Variants in VIPR1 observed in about 807,000 individuals in gnomAD.
The protein encoded by VIPR1 is vasoactive intestinal peptide receptor 1.
VIPR1 carries 59 observed loss-of-function variants against 58.8 expected under a neutral mutation model. That is an observed-to-expected ratio of 1.00 (90% CI 0.81 to 1.25). The LOEUF (loss-of-function observed/expected upper bound fraction) is 1.25. VIPR1 is among the 50% of genes most tolerant of loss of function. The pLI, the probability that VIPR1 is intolerant of heterozygous loss-of-function variation, is 0.00. For synonymous variants in VIPR1, 251 were observed against 242.1 expected, an observed-to-expected ratio of 1.04 and a Z score of -0.34; for missense variants, 626 against 602.7, an observed-to-expected ratio of 1.04 and a Z score of -0.40.
At chr3:42,511,852 T>C (rs1316232621) in intron 1 of VIPR1, 1 of 152,162 alleles carries the variant, frequency 6.6e-6, no homozygotes, top group Non-Finnish European at 1.5e-5. Flanking sequence ...TACTTGAGGA[T>C]GAAACAGCCA....
rs1161679719 is a variant in VIPR1, at chr3:42,530,860, C to T, written c.718C>T (p.Leu240=). The part of the protein sequence containing the change: ...FFWLLVEGLY[L]YTLLAVSFFS... ...CTGGCTGCTGGTGGAGGGCCTCTACCTGTACACCCTGCTTGCCGTCTCCTT... is the reference window on the plus strand; with the variant it reads ...CTGGCTGCTGGTGGAGGGCCTCTACTTGTACACCCTGCTTGCCGTCTCCTT... Residue 240 remains leucine, a synonymous_variant, in exon 7 of 13, where the codon CTG becomes TTG. Transcript: ENST00000325123. The T allele has an allele frequency of 1.2e-6, 2 of 1,613,988 alleles. No homozygotes were observed. The highest frequency in any genetic ancestry group is 2.7e-5 in the African/African-American group (2 of 74,890).
intron 1 of VIPR1, among the ~76,000 whole-genome samples, chr3:42,504,382 C>G (rs1700012307): frequency 6.6e-6 from 1 of 152,138 alleles, no homozygotes; most frequent in African/African-American, 2.4e-5. Flanking sequence ...CTACCCTCCC[C>G]CTGTCTTTCC....
At chr3:42,522,138 G>A (rs1002865336) in intron 3 of VIPR1, among the ~76,000 whole-genome samples, 11 of 99,802 alleles carry the variant, frequency 1.1e-4, no homozygotes, top group Admixed American at 7.4e-4. Context: ...TTTAGACAGC[G>A]TCTCGCTCTG....
In VIPR1 at chr3:42,530,818, G is replaced by C. The variant is rs1701500269; in HGVS notation, c.676G>C (p.Val226Leu). ...AGCCATGGTCTTTTTCCAATATTGT[G>C]TCATGGCTAACTTCTTCTGGCTGCT... ...KAAMVFFQYC[V>L]MANFFWLLVE... Residue 226 changes from valine to leucine, a missense_variant, in exon 7 of 13, where the codon GTC (valine) becomes CTC (leucine). Transcript: ENST00000325123. 6.2e-7 allele frequency: 1 copy of C among 1,613,968 alleles called. No homozygotes were observed. The highest frequency in any genetic ancestry group is 8.5e-7 in the Non-Finnish European group (1 of 1,179,978).
chr3:42,497,450 G>GCA (rs370377069), intron 1 of VIPR1, among the ~76,000 whole-genome samples: 11 of 151,624 alleles, frequency 7.3e-5, no homozygotes, highest in African/African-American at 1.9e-4. Context: ...GGACATACAT[G>GCA]CACACACACA....
In VIPR1 at chr3:42,519,327, C is replaced by G; in HGVS notation, c.289C>G (p.Gln97Glu). 1 of 1,604,024 alleles carries G rather than the reference C, an allele frequency of 6.2e-7. No homozygotes were observed. Among genetic ancestry groups the G allele is most frequent in the African/African-American group, 1.3e-5 (1 of 74,582 alleles). Residue 97 changes from glutamine (Q) to glutamate (E), a missense_variant, in exon 3 of 13, where the codon CAA (glutamine) becomes GAA (glutamate). Gln to Glu is a conservative substitution (Grantham distance 29). Coordinates refer to ENST00000325123, the MANE Select transcript of VIPR1 (RefSeq NM_004624.4). ...PLIFKLFSSI[Q>E]GRNVSRSCTD... is the part of the protein sequence containing the mutation. ...CATCTTCAAGCTCTTCTCCTCCATT[C>G]AAGGTAAGACCCCTGGGTTGAAGAG...
intron 1 of VIPR1, among the ~76,000 whole-genome samples, chr3:42,510,754 C>T (rs1479194307): frequency 6.6e-6 from 1 of 152,122 alleles, no homozygotes; most frequent in Non-Finnish European, 1.5e-5. Context: ...CAGACCACAC[C>T]CACTGTTTCA....
intron 1 of VIPR1, chr3:42,513,499 CAGTT>C: frequency 2.2e-6 from 1 of 452,798 alleles, no homozygotes; most frequent in Non-Finnish European, 4.0e-6. Flanking sequence ...AGAGACAAAG[CAGTT>C]ACAGCTGCAG....
rs1365826781 is a variant in VIPR1 at position 42,536,333 on chromosome 3, C to T, written c.*52C>T. ...GGCCCCTCCCGCCCCTTCCCACTCA[C>T]CCCGGCAGACGCCGGGGACAGAGGC... On this transcript the variant is annotated 3_prime_UTR_variant, in exon 13 of 13. Coordinates refer to ENST00000325123, the MANE Select transcript of VIPR1 (RefSeq NM_004624.4). The T allele has an allele frequency of 1.4e-6, 2 of 1,464,848 alleles. No homozygotes were observed. The highest frequency in any genetic ancestry group is 1.8e-6 in the Non-Finnish European group (2 of 1,114,444). 90.7% of individuals were successfully genotyped at this position (1,464,848 alleles called of 1,614,324 possible).
At chr3:42,532,930 C>G (rs1701646955) in intron 10 of VIPR1, 1 of 156,644 alleles carries the variant, frequency 6.4e-6, no homozygotes, top group South Asian at 1.9e-4. Context: ...TGGAGCAGGT[C>G]ACCATGGGCA....
Position 42,531,834 on chromosome 3 carries a change from T to C in VIPR1, c.883T>C (p.Trp295Arg). 1 of 1,614,074 alleles carries C rather than the reference T, an allele frequency of 6.2e-7. No homozygotes were observed. The highest frequency in any genetic ancestry group is 8.5e-7 in the Non-Finnish European group (1 of 1,180,008). Residue 295 changes from tryptophan (W) to arginine (R), a missense_variant, in exon 9 of 13, where the codon TGG becomes CGG. Trp to Arg is a moderately radical substitution (Grantham distance 101). Coordinates refer to ENST00000325123, the MANE Select transcript of VIPR1 (RefSeq NM_004624.4). ...CWDTINSSLW[W>R]IIKGPILTSI... is the part of the protein sequence containing the mutation. The stretch of plus-strand genomic sequence containing the variant: ...GGACACCATCAACTCCTCACTGTGG[T>C]GGATCATAAAGGGCCCCATCCTCAC...
upstream of VIPR1, among the ~76,000 whole-genome samples, chr3:42,497,963 C>T (rs1168217202): frequency 6.6e-6 from 1 of 152,182 alleles, no homozygotes; most frequent in African/African-American, 2.4e-5. Context: ...ACTGCTGACC[C>T]CCTGGACAAA....
chr3:42,505,006 C>T (rs149844712), intron 1 of VIPR1, among the ~76,000 whole-genome samples: 1,906 of 151,908 alleles, frequency 0.013, 31 homozygotes, highest in East Asian at 0.057. Flanking sequence ...CCCTGCCCCC[C>T]GGACAGCAGG....
chr3:42,535,975 T>A, intron 12 of VIPR1, 115 bp from the exon 13 acceptor site: 1 of 1,303,834 alleles, frequency 7.7e-7, no homozygotes. Context: ...TCCCTCCATT[T>A]TGATTTCCTA....
chr3:42,504,238 T>A (rs74853711), intron 1 of VIPR1, among the ~76,000 whole-genome samples: 13,871 of 152,102 alleles, frequency 0.091, 1,688 homozygotes, highest in African/African-American at 0.28. Context: ...ACCACTGTTG[T>A]CACCCCATTC....
intron 3 of VIPR1, among the ~76,000 whole-genome samples, chr3:42,525,546 G>A (rs560497807): frequency 7.9e-5 from 12 of 152,304 alleles, no homozygotes; most frequent in South Asian, 2.1e-4. Flanking sequence ...TTCTGCTCAC[G>A]GCAAGGGTCA....
At chr3:42,491,475 A>G (rs1699663611) in intron 1 of VIPR1, among the ~76,000 whole-genome samples, 1 of 152,236 alleles carries the variant, frequency 6.6e-6, no homozygotes. Flanking sequence ...GTAGAGGGAC[A>G]GAGGAAATAA....
chr3:42,502,350 T>G, upstream of VIPR1: 3 of 168,214 alleles, frequency 1.8e-5, no homozygotes, highest in Non-Finnish European at 1.3e-5. Flanking sequence ...GCGAAGGTCG[T>G]GAGCTAAGCA....
chr3:42,502,810 G>C lies in VIPR1; in HGVS notation c.75G>C (p.Pro25=). The C allele has an allele frequency of 7.9e-7, 1 of 1,264,976 alleles. No homozygotes were observed. The allele number at this position is 1,264,976 out of a possible 1,614,324, so 78.4% of individuals were successfully genotyped here. ...GCGCCCTCGCCTGGGCCCTTGGGCCGGCGGTGAGTGTTCGCCCGGCCGCCC... is the reference window on the plus strand; with the variant it reads ...GCGCCCTCGCCTGGGCCCTTGGGCCCGCGGTGAGTGTTCGCCCGGCCGCCC... The part of the protein sequence containing the change: ...LAGALAWALG[P]AGGQAARLQE... Residue 25 remains proline, a synonymous_variant, in exon 1 of 13, where the codon CCG becomes CCC. Transcript: ENST00000325123.
Sources: gnomAD v4.1 joint callset for allele counts (sites outside exome capture counted in the v4.1 genomes callset) on GRCh38, gnomAD v4.1.1 for gene constraint, MANE v1.5 for transcripts, NCBI Gene and HGNC (gene_info 2026-07-23, HGNC 2026-07-21) for gene names.